SLC35B4: variants seen among roughly 807,000 people sequenced by gnomAD.
SLC35B4 encodes the protein nucleotide sugar transporter SLC35B4.
SLC35B4 carries 28 observed loss-of-function variants against 39.5 expected under a neutral mutation model. The ratio of observed to expected loss-of-function variants is 0.71; its 90% CI spans 0.53 to 0.97. SLC35B4 has a LOEUF of 0.97. SLC35B4 is among the 50% of genes least tolerant of loss of function. The pLI is 0.00. For synonymous variants in SLC35B4, 145 were observed against 150.4 expected, an observed-to-expected ratio of 0.96 and a Z score of 0.26; for missense variants, 334 against 414.3, an observed-to-expected ratio of 0.81 and a Z score of 1.68.
At position 134,309,311 on chromosome 7, in the gene SLC35B4, C is replaced by G. The variant is rs2117311617; in HGVS notation, c.191+55G>C. ...TCATCCTCCTTTTATACAGGTACCA[C>G]CTCTTTACTTTCTTAAAAAATCCAA... On this transcript the variant is annotated intron_variant, in intron 2 of 9. Coordinates refer to ENST00000378509, the MANE Select transcript of SLC35B4 (RefSeq NM_032826.5). 4.9e-6 allele frequency: 5 copies of G among 1,016,474 alleles called. No individual in the cohort carries two copies. In the South Asian group the frequency reaches 8.2e-5, roughly 17 times the overall value. The allele number at this position is 1,016,474 out of a possible 1,614,324, so 63.0% of individuals were successfully genotyped here.
rs903529512 is a variant in SLC35B4, at chr7:134,316,852, G to A, written c.-101C>T. ...CTGCCTCTTCGCTGCGCAGCACATC[G>A]CACCGTCCTGGAAAGCCGCTCTCAC... On this transcript the variant is annotated 5_prime_UTR_variant, in exon 1 of 10. Coordinates refer to ENST00000378509, the MANE Select transcript of SLC35B4 (RefSeq NM_032826.5). The A allele has an allele frequency of 1.9e-5, 24 of 1,233,230 alleles. No individual in the cohort carries two copies. In the East Asian group the frequency reaches 4.9e-4, roughly 25 times the overall value. 76.4% of individuals were successfully genotyped at this position (1,233,230 alleles called of 1,614,324 possible).
intron 1 of SLC35B4, among the ~76,000 whole-genome samples, chr7:134,315,610 T>A (rs887253935): frequency 6.7e-6 from 1 of 148,724 alleles, no homozygotes; most frequent in Non-Finnish European, 1.5e-5. Flanking sequence ...CCGTAAAATA[T>A]CTCATTATGT....
chr7:134,296,404 T>C lies in SLC35B4; in HGVS notation c.736A>G (p.Asn246Asp), dbSNP rs1442498767. The change falls in exon 9 of 10, where the codon AAC becomes GAC. Residue 246 changes from asparagine (N) to aspartate (D), a missense_variant. Transcript: ENST00000378509. The part of the protein sequence containing the change: ...LPIMWFYLLM[N>D]IITQYVCIRG... ...TCCAAAGGATACTGAGTGATGATGT[T>C]CATGAGGAGGTAGAACCACATGATG... 7 of 1,613,838 alleles carry C rather than the reference T, an allele frequency of 4.3e-6. No individual in the cohort carries two copies. The highest frequency in any genetic ancestry group is 5.9e-6 in the Non-Finnish European group (7 of 1,179,892).
intron 1 of SLC35B4, among the ~76,000 whole-genome samples, chr7:134,310,993 C>A (rs568312549): frequency 7.9e-5 from 12 of 152,186 alleles, no homozygotes; most frequent in Non-Finnish European, 1.8e-4. Context: ...CCAAGATATA[C>A]AAGTCCTTAA....
At chr7:134,317,164 C>A (rs896990582), upstream of SLC35B4, 3 of 185,294 alleles carry the variant, frequency 1.6e-5, no homozygotes, top group African/African-American at 4.7e-5. Context: ...GTGTTTCTTG[C>A]GAGACCGCCC....
intron 1 of SLC35B4, among the ~76,000 whole-genome samples, chr7:134,312,153 G>T (rs1646646): frequency 0.51 from 77,046 of 151,842 alleles, 20,134 homozygotes; most frequent in African/African-American, 0.61. Flanking sequence ...GGATCTTGCA[G>T]GCTGAAAGGT....
At chr7:134,301,853 G>C in intron 5 of SLC35B4, 32 bp from the exon 6 acceptor site, 4 of 1,601,572 alleles carry the variant, frequency 2.5e-6, no homozygotes, top group Non-Finnish European at 3.4e-6. Context: ...TAGGTACAGA[G>C]AGCAGAACTA....
In SLC35B4 at chr7:134,292,892, C is replaced by T. The variant is rs967909638; in HGVS notation, c.*1941G>A. On this transcript the variant is annotated 3_prime_UTR_variant, in exon 10 of 10. Transcript: ENST00000378509. ...ATGTCCAGAGCAACACATTATTACT[C>T]TGTAAACTCAGTGATTTAGGTGGAG... 1 of 152,160 alleles carries T rather than the reference C, an allele frequency of 6.6e-6. No individual in the cohort carries two copies. The highest frequency in any genetic ancestry group is 2.4e-5 in the African/African-American group (1 of 41,436). The allele number at this position is 152,160 out of a possible 1,614,324, so 9.4% of individuals were successfully genotyped here. A position where few individuals can be genotyped will look rare whatever the true frequency, so the allele number is the denominator to read the frequency against.
Position 134,306,522 on chromosome 7 carries a change from T to C in SLC35B4, c.294+150A>G, listed in dbSNP as rs1803713068. The C allele has an allele frequency of 1.7e-5, 8 of 483,748 alleles. No individual in the cohort carries two copies. The East Asian group carries it at 2.7e-4, about 17-fold the overall frequency. 30.0% of individuals were successfully genotyped at this position (483,748 alleles called of 1,614,324 possible). A position where few individuals can be genotyped will look rare whatever the true frequency, so the allele number is the denominator to read the frequency against. ...AGATTTCTCTTTTTGCCTTCTCAGATGAAAGCCACCCTTGCTCACGCATTC... is the reference window on the plus strand; with the variant it reads ...AGATTTCTCTTTTTGCCTTCTCAGACGAAAGCCACCCTTGCTCACGCATTC... On this transcript the variant is annotated intron_variant, in intron 3 of 9. Coordinates refer to ENST00000378509, the MANE Select transcript of SLC35B4 (RefSeq NM_032826.5).
chr7:134,296,551 C>T, intron 8 of SLC35B4, 85 bp from the exon 9 acceptor site: 1 of 919,854 alleles, frequency 1.1e-6, no homozygotes, highest in South Asian at 1.5e-5. Context: ...ACAGACTGAA[C>T]ATAATAGGAA....
intron 8 of SLC35B4, 63 bp from the exon 9 acceptor site, chr7:134,296,529 G>T: frequency 8.1e-7 from 1 of 1,235,826 alleles, no homozygotes; most frequent in South Asian, 1.3e-5. Flanking sequence ...TTCATCTTTT[G>T]AACAGGGTAA....
chr7:134,296,556 T>C (rs1381405185), intron 8 of SLC35B4, 90 bp from the exon 9 acceptor site: 2 of 861,766 alleles, frequency 2.3e-6, no homozygotes, highest in Non-Finnish European at 3.8e-6. Context: ...CTGAACATAA[T>C]AGGAACAGCA....
intron 1 of SLC35B4, among the ~76,000 whole-genome samples, chr7:134,316,351 A>G (rs2117328549): frequency 6.6e-6 from 1 of 152,336 alleles, no homozygotes; most frequent in East Asian, 1.9e-4. Context: ...TGGACTGGTC[A>G]TGTGAAAAAC....
chr7:134,300,777 A>C (rs1180809082), intron 6 of SLC35B4, among the ~76,000 whole-genome samples: 1 of 152,142 alleles, frequency 6.6e-6, no homozygotes, highest in Non-Finnish European at 1.5e-5. Context: ...TACAATACAC[A>C]ATATTTTTCC....
In SLC35B4 at chr7:134,289,706, C is replaced by T. The variant is rs1803293225; in HGVS notation, c.*5127G>A. ...ATGACTGGCAATCGCAAGTGATACA[C>T]AAAGGCATTTTTATTGCGCCGGGGA... On this transcript the variant is annotated 3_prime_UTR_variant, in exon 10 of 10. Transcript: ENST00000378509. 1 of 152,382 alleles carries T rather than the reference C, an allele frequency of 6.6e-6. No homozygotes were observed. 9.4% of individuals were successfully genotyped at this position (152,382 alleles called of 1,614,324 possible).
chr7:134,302,141 C>T, intron 4 of SLC35B4, 31 bp from the exon 5 acceptor site: 7 of 1,558,436 alleles, frequency 4.5e-6, no homozygotes, highest in Non-Finnish European at 6.1e-6. Context: ...AAGAAAAACA[C>T]CTTAGGAAAG....
chr7:134,294,587 G>T lies in SLC35B4; in HGVS notation c.*246C>A, dbSNP rs1803412964. The stretch of plus-strand genomic sequence containing the variant: ...ACTGAATATGTCGGTAAACAAAACA[G>T]AAATAAATGAATGGGCTGTTCAATA... On this transcript the variant is annotated 3_prime_UTR_variant, in exon 10 of 10. Transcript: ENST00000378509. The T allele has an allele frequency of 2.4e-6, 1 of 424,496 alleles. No homozygotes were observed. The highest frequency in any genetic ancestry group is 4.0e-5 in the East Asian group (1 of 25,172). 26.3% of individuals were successfully genotyped at this position (424,496 alleles called of 1,614,324 possible).
At chr7:134,320,300 T>C (rs1278681339), upstream of SLC35B4, among the ~76,000 whole-genome samples, 1 of 152,180 alleles carries the variant, frequency 6.6e-6, no homozygotes, top group Non-Finnish European at 1.5e-5. Context: ...AGCAAGTCTC[T>C]TGACATGGTG....
chr7:134,296,247 T>C (rs1862050), intron 9 of SLC35B4, 144 bp downstream of exon 9: 331,600 of 704,020 alleles, frequency 0.47, 80,700 homozygotes, highest in African/African-American at 0.59. Flanking sequence ...TTCCCTGAAT[T>C]GGTCTCTGTC....
Sources: gnomAD v4.1 joint callset for allele counts (sites outside exome capture counted in the v4.1 genomes callset) on GRCh38, gnomAD v4.1.1 for gene constraint, MANE v1.5 for transcripts, NCBI Gene and HGNC (gene_info 2026-07-23, HGNC 2026-07-21) for gene names.